Variants in CD300LG observed in about 807,000 individuals in gnomAD.
CD300LG encodes the protein CMRF35-like molecule 9.
CD300LG carries 29 observed loss-of-function variants against 31.5 expected under a neutral mutation model. That is an observed-to-expected ratio of 0.92 (90% confidence interval 0.68 to 1.25). The LOEUF (loss-of-function observed/expected upper bound fraction) is 1.25. Ranked by LOEUF, CD300LG falls within the 50% of genes most tolerant of loss-of-function variation. CD300LG has a pLI of 0.00. For missense variants in CD300LG, 396 were observed against 417.6 expected (o/e 0.95, Z 0.45); for synonymous variants, 175 against 177.2 (o/e 0.99, Z 0.10).
At chr17:43,848,970 C>T (rs2046269842) in intron 2 of CD300LG, 77 bp downstream of exon 2, 1 of 1,281,494 alleles carries the variant, frequency 7.8e-7, no homozygotes, top group African/African-American at 1.5e-5. Flanking sequence ...GGGCATAATC[C>T]TGGTACCAAC....
In CD300LG at chr17:43,853,895, C is replaced by T. The variant is rs149330626; in HGVS notation, c.570C>T (p.Tyr190=). Residue 190 remains tyrosine (Y), a synonymous_variant, in exon 4 of 7, where the codon TAC becomes TAT. Transcript: ENST00000317310. Reference sequence around the variant, plus strand: ...CTCCATTGCCAGGGACTTCCCAGTACGGGCACGAAAGGACTTCTCAGTACA... The same window carrying T: ...CTCCATTGCCAGGGACTTCCCAGTATGGGCACGAAAGGACTTCTCAGTACA... The part of the protein sequence containing the change: ...EAPPLPGTSQ[Y]GHERTSQYTG... 1.8e-5 allele frequency: 29 copies of T among 1,614,132 alleles called. No homozygotes were observed. The highest frequency in any genetic ancestry group is 2.2e-5 in the South Asian group (2 of 91,078).
intron 6 of CD300LG, chr17:43,861,291 G>A (rs895593093): frequency 1.9e-5 from 19 of 985,222 alleles, no homozygotes; most frequent in South Asian, 9.4e-5. Context: ...AGGGGCTGAG[G>A]AGCCACCTTG....
At position 43,853,029 on chromosome 17, in the gene CD300LG, T is replaced by C; in HGVS notation, c.481+16T>C. The C allele has an allele frequency of 6.3e-7, 1 of 1,595,832 alleles. No homozygotes were observed. Among genetic ancestry groups the C allele is most frequent in the Non-Finnish European group, 8.6e-7 (1 of 1,167,230 alleles). Reference sequence around the variant, plus strand: ...CCAGGATTGAGTGAGTGAATGGCAATTCCGCCCCTTCCCTTGCCACCCTTC... The same window carrying C: ...CCAGGATTGAGTGAGTGAATGGCAACTCCGCCCCTTCCCTTGCCACCCTTC... On this transcript the variant is annotated intron_variant, in intron 3 of 6. Coordinates refer to ENST00000317310, the MANE Select transcript of CD300LG (RefSeq NM_145273.4).
At chr17:43,858,506 G>A in intron 6 of CD300LG, 1 of 985,428 alleles carries the variant, frequency 1.0e-6, no homozygotes, top group Non-Finnish European at 1.2e-6. Context: ...TGAGGCTCCT[G>A]ACCCTGGCTC....
chr17:43,848,067 C>T (rs1453146153), intron 1 of CD300LG, among the ~76,000 whole-genome samples: 1 of 152,074 alleles, frequency 6.6e-6, no homozygotes, highest in Non-Finnish European at 1.5e-5. Flanking sequence ...ACGGTGAAAC[C>T]CCGTCTCTAC....
At chr17:43,852,625 A>T (rs2046391490) in intron 2 of CD300LG, among the ~76,000 whole-genome samples, 1 of 152,230 alleles carries the variant, frequency 6.6e-6, no homozygotes. Context: ...GGGATCCAAC[A>T]CAGACTTTTG....
At chr17:43,852,279 C>G (rs2046382383) in intron 2 of CD300LG, among the ~76,000 whole-genome samples, 1 of 151,666 alleles carries the variant, frequency 6.6e-6, no homozygotes, top group African/African-American at 2.4e-5. Flanking sequence ...AATCTTGGCT[C>G]ACTGCAATCA....
Position 43,862,181 on chromosome 17 carries a change from C to T in CD300LG, c.*270C>T. On this transcript the variant is annotated 3_prime_UTR_variant, in exon 7 of 7. Coordinates refer to ENST00000317310, the MANE Select transcript of CD300LG (RefSeq NM_145273.4). ...CATCCCTGGGCAGAGTACCAGGCTGCTGACCCTCAGCAGGGCCAGACAAGG... is the reference window on the plus strand; with the variant it reads ...CATCCCTGGGCAGAGTACCAGGCTGTTGACCCTCAGCAGGGCCAGACAAGG... The T allele has an allele frequency of 3.9e-6, 1 of 256,226 alleles. No individual in the cohort carries two copies. Among genetic ancestry groups the T allele is most frequent in the South Asian group, 1.2e-4 (1 of 8,086 alleles). 15.9% of individuals were successfully genotyped at this position (256,226 alleles called of 1,614,324 possible). A position where few individuals can be genotyped will look rare whatever the true frequency, so the allele number is the denominator to read the frequency against.
chr17:43,852,613 A>G lies in CD300LG; in HGVS notation c.380-299A>G, dbSNP rs531906902. On this transcript the variant is annotated intron_variant, in intron 2 of 6. Transcript: ENST00000317310. ...AGTGACTGTTCTAAGGCAGAGAGGG[A>G]TGGGATCCAACACAGACTTTTGAGA... Among the ~76,000 whole-genome samples, 7 of 152,292 alleles carry G rather than the reference A, an allele frequency of 4.6e-5. No homozygotes were observed. The South Asian group carries it at 6.2e-4, about 14-fold the overall frequency.
intron 2 of CD300LG, among the ~76,000 whole-genome samples, chr17:43,850,227 T>C (rs533611355): frequency 1.6e-4 from 25 of 152,324 alleles, no homozygotes; most frequent in Admixed American, 1.4e-3. Flanking sequence ...CCAATTTCTG[T>C]GGTGTCCATT....
intron 2 of CD300LG, among the ~76,000 whole-genome samples, chr17:43,850,433 C>T (rs756791646): frequency 6.6e-6 from 1 of 151,326 alleles, no homozygotes; most frequent in Non-Finnish European, 1.5e-5. Flanking sequence ...CATTTCTTTT[C>T]TTTTTATTTA....
At chr17:43,857,387 C>G in intron 6 of CD300LG, 4 of 1,534,372 alleles carry the variant, frequency 2.6e-6, no homozygotes, top group Non-Finnish European at 3.5e-6. Context: ...GATTTCCCGC[C>G]AGGTGCCAGG....
chr17:43,863,546 C>T lies in CD300LG; in HGVS notation c.*1635C>T, dbSNP rs1387639295. The T allele has an allele frequency of 6.6e-6, 1 of 152,138 alleles. No individual in the cohort carries two copies. Among genetic ancestry groups the T allele is most frequent in the Non-Finnish European group, 1.5e-5 (1 of 68,032 alleles). 9.4% of individuals were successfully genotyped at this position (152,138 alleles called of 1,614,324 possible). ...ATACAACTTTGTATCCTGCCTTTTC[C>T]ACCTTATCGTTCCATCACTTTATTC... On this transcript the variant is annotated 3_prime_UTR_variant, in exon 7 of 7. Coordinates refer to ENST00000317310, the MANE Select transcript of CD300LG (RefSeq NM_145273.4).
intron 6 of CD300LG, chr17:43,858,619 AG>A (rs1482422791): frequency 1.0e-6 from 1 of 985,270 alleles, no homozygotes; most frequent in Non-Finnish European, 1.2e-6. Context: ...GCCTCCCAAG[AG>A]GGTCAGAGGC....
rs958885736 is a variant in CD300LG at position 43,858,078 on chromosome 17, C to T, written c.885+922C>T. ...GCTGTTTACTGAGATGCCTCCACTC[C>T]ATTCCTTTAAACACAAGGGCAGGAA... On this transcript the variant is annotated intron_variant, in intron 6 of 6. Transcript: ENST00000317310. 6.4e-6 allele frequency: 9 copies of T among 1,413,402 alleles called. No individual in the cohort carries two copies. The African/African-American group carries it at 1.2e-4, about 18-fold the overall frequency. The allele number at this position is 1,413,402 out of a possible 1,614,324, so 87.6% of individuals were successfully genotyped here.
chr17:43,861,202 C>G, intron 6 of CD300LG: 2 of 985,370 alleles, frequency 2.0e-6, no homozygotes, highest in Non-Finnish European at 2.4e-6. Context: ...GGTCTCTCAC[C>G]ATCCCCGAGC....
rs1347224314 is a variant in CD300LG, at chr17:43,853,010, T to C, written c.478T>C (p.Leu160=). ...AGCTCAGCAAACCCAGCCCCCAGGA[T>C]TGAGTGAGTGAATGGCAATTCCGCC... ...AKAQQTQPPG[L]TSPGLYPAAT... is the part of the protein sequence containing the mutation. The change falls in exon 3 of 7, where the codon TTG becomes CTG. Residue 160 remains leucine, a synonymous_variant. Transcript: ENST00000317310. 6.2e-7 allele frequency: 1 copy of C among 1,609,376 alleles called. No individual in the cohort carries two copies. Among genetic ancestry groups the C allele is most frequent in the Non-Finnish European group, 8.5e-7 (1 of 1,177,734 alleles).
At chr17:43,849,338 G>A (rs929816986) in intron 2 of CD300LG, 12 of 218,972 alleles carry the variant, frequency 5.5e-5, no homozygotes, top group African/African-American at 1.8e-4. Context: ...GGACATGCTG[G>A]CCTCGCCCTG....
At position 43,861,842 on chromosome 17, in the gene CD300LG, C is replaced by T. The variant is rs139404083; in HGVS notation, c.930C>T (p.Asp310=). The part of the protein sequence containing the change: ...KEAPSQAPEG[D]VISMPPLHTS... The stretch of plus-strand genomic sequence containing the variant: ...CCCCTTCCCAGGCCCCTGAGGGGGA[C>T]GTGATCTCGATGCCTCCCCTCCACA... The change falls in exon 7 of 7, where the codon GAC becomes GAT. Residue 310 remains aspartate (D), a synonymous_variant. Coordinates refer to ENST00000317310, the MANE Select transcript of CD300LG (RefSeq NM_145273.4). 294 of 1,612,534 alleles carry T rather than the reference C, an allele frequency of 1.8e-4. No homozygotes were observed. The African/African-American group carries it at 3.3e-3, about 18-fold the overall frequency.
Sources: gnomAD v4.1 joint callset for allele counts (sites outside exome capture counted in the v4.1 genomes callset) on GRCh38, gnomAD v4.1.1 for gene constraint, MANE v1.5 for transcripts, NCBI Gene and HGNC (gene_info 2026-07-23, HGNC 2026-07-21) for gene names.